ARHGEF4: variants seen among roughly 807,000 people sequenced by gnomAD.
ARHGEF4 encodes the protein APC-stimulated guanine nucleotide exchange factor 1.
ARHGEF4 carries 119 observed loss-of-function variants against 162.0 expected under a neutral mutation model. The observed-to-expected ratio is 0.73, with a 90% CI of 0.63 to 0.86. The LOEUF (loss-of-function observed/expected upper bound fraction) is 0.86, where lower values mean the gene tolerates loss of function less well. Ranked by LOEUF, ARHGEF4 falls within the 40% of genes least tolerant of loss-of-function variation. ARHGEF4 has a pLI of 0.00. For missense variants in ARHGEF4, 2,488 were observed against 2,456.0 expected (o/e 1.01, Z -0.28); for synonymous variants, 1,014 against 979.9 (o/e 1.03, Z -0.65).
At chr2:130,864,205 A>AAAG (rs1559006283) in intron 1 of ARHGEF4, among the ~76,000 whole-genome samples, 16 of 150,896 alleles carry the variant, frequency 1.1e-4, no homozygotes, top group East Asian at 3.9e-4. Flanking sequence ...AAGAAAGAAA[A>AAAG]AAAAAAAAAG....
intron 1 of ARHGEF4, among the ~76,000 whole-genome samples, chr2:130,868,002 T>C (rs1367195656): frequency 1.4e-5 from 2 of 146,236 alleles, no homozygotes; most frequent in Non-Finnish European, 3.0e-5. Context: ...CTCGGCTCAC[T>C]GCAAGCTCCG....
chr2:131,045,161 G>A (rs1208103337), intron 12 of ARHGEF4, among the ~76,000 whole-genome samples: 1 of 152,208 alleles, frequency 6.6e-6, no homozygotes, highest in Non-Finnish European at 1.5e-5. Context: ...TCTGCCAGGA[G>A]CCCCAGGACA....
intron 4 of ARHGEF4, among the ~76,000 whole-genome samples, chr2:130,993,080 C>A (rs1163437468): frequency 6.6e-6 from 1 of 152,128 alleles, no homozygotes; most frequent in Non-Finnish European, 1.5e-5. Context: ...CAAGACTGTT[C>A]AAAAACAAAA....
intron 4 of ARHGEF4, among the ~76,000 whole-genome samples, chr2:131,015,928 G>A (rs1182376625): frequency 6.6e-6 from 1 of 152,230 alleles, no homozygotes; most frequent in African/African-American, 2.4e-5. Context: ...ACCCGGACAC[G>A]TATCCCAGTC....
At chr2:130,993,263 T>C (rs1687164663) in intron 4 of ARHGEF4, among the ~76,000 whole-genome samples, 1 of 152,234 alleles carries the variant, frequency 6.6e-6, no homozygotes, top group Non-Finnish European at 1.5e-5. Flanking sequence ...CCATGAGTTA[T>C]TGAGAAGTGT....
rs4850267 is a variant in ARHGEF4, at chr2:130,895,220, C to T, written c.40-18766C>T. On this transcript the variant is annotated intron_variant, in intron 1 of 13. Transcript: ENST00000409359. Reference sequence around the variant, plus strand: ...TTGGTGTGTGGCTGCTTTCACGTAGCACCATGCCTTGAGACCTCACCATGC... The same window carrying T: ...TTGGTGTGTGGCTGCTTTCACGTAGTACCATGCCTTGAGACCTCACCATGC... Among the ~76,000 whole-genome samples the T allele has an allele frequency of 5.0e-3, 763 of 152,260 alleles. 32 individuals are homozygous for T. Among genetic ancestry groups the T allele is most frequent in the Admixed American group, 0.046 (697 of 15,288 alleles).
chr2:130,887,971 G>A (rs949001026), intron 1 of ARHGEF4, among the ~76,000 whole-genome samples: 1 of 152,096 alleles, frequency 6.6e-6, no homozygotes, highest in Admixed American at 6.5e-5. Flanking sequence ...CATGCTGTGT[G>A]CCTGGAAATG....
At chr2:131,040,808 G>A (rs145745860) in intron 8 of ARHGEF4, among the ~76,000 whole-genome samples, 1 of 152,308 alleles carries the variant, frequency 6.6e-6, no homozygotes, top group Non-Finnish European at 1.5e-5. Context: ...GATGCCGGCT[G>A]GCATTTACCA....
At chr2:130,854,550 G>A (rs1681626555) in intron 1 of ARHGEF4, among the ~76,000 whole-genome samples, 1 of 152,178 alleles carries the variant, frequency 6.6e-6, no homozygotes, top group South Asian at 2.1e-4. Context: ...TCTGGCAAGT[G>A]CTGCTGAGAA....
chr2:130,848,705 G>T (rs977457101), intron 1 of ARHGEF4, among the ~76,000 whole-genome samples: 1 of 152,302 alleles, frequency 6.6e-6, no homozygotes, highest in Admixed American at 6.5e-5. Context: ...GCATGTTTTA[G>T]TGAGGGTTCC....
chr2:130,837,021 C>A (rs942235675), intron 1 of ARHGEF4, 29 bp downstream of exon 1: 8 of 1,226,702 alleles, frequency 6.5e-6, no homozygotes, highest in Non-Finnish European at 5.1e-6. Flanking sequence ...GACTTGCGGT[C>A]GGGCTCCCGG....
intron 4 of ARHGEF4, among the ~76,000 whole-genome samples, chr2:130,979,744 A>AAC (rs1449475892): frequency 1.3e-5 from 2 of 150,116 alleles, no homozygotes; most frequent in Non-Finnish European, 3.0e-5. Context: ...TAAAAAAAAA[A>AAC]AAAAAAAAAA....
At chr2:130,841,446 T>A (rs1680608076) in intron 1 of ARHGEF4, among the ~76,000 whole-genome samples, 1 of 151,698 alleles carries the variant, frequency 6.6e-6, no homozygotes, top group Admixed American at 6.6e-5. Context: ...TACCTGTTGA[T>A]TTCAGTCCTA....
chr2:130,926,048 C>CTCTTTCTTTCTTTCTT (rs370694048), intron 2 of ARHGEF4, among the ~76,000 whole-genome samples: 63 of 53,446 alleles, frequency 1.2e-3, no homozygotes, highest in East Asian at 4.0e-3. Context: ...TTCTTTCTTT[C>CTCTTTCTTTCTTTCTT]TCTTTCTTTC....
rs748296379 is a variant in ARHGEF4, at chr2:130,916,622, C to G, written c.2676C>G (p.Ser892Arg). The G allele has an allele frequency of 1.2e-5, 18 of 1,550,480 alleles. No homozygotes were observed. The highest frequency in any genetic ancestry group is 3.9e-5 in the Admixed American group (2 of 50,994). ...DLGSRGPSSE[S>R]CNAKRLKTTE... ...GTAGCCGAGGGCCTTCCTCTGAGAG[C>G]TGCAACGCAAAGAGACTCAAAACAA... The change falls in exon 2 of 14, where the codon AGC becomes AGG. Residue 892 changes from serine to arginine, a missense_variant. By Grantham distance (110) the Ser-to-Arg change is moderately radical. Around this residue, in one of 6 missense-constraint regions of ARHGEF4, gnomAD observed 1,642 missense variants for 1,481.5 expected, o/e 1.11. Coordinates refer to ENST00000409359, the MANE Select transcript of ARHGEF4 (RefSeq NM_001367493.1).
chr2:131,017,242 TC>T (rs1181189592), intron 4 of ARHGEF4, among the ~76,000 whole-genome samples: 2 of 152,156 alleles, frequency 1.3e-5, no homozygotes, highest in Non-Finnish European at 2.9e-5. Flanking sequence ...TTGAGCCCAG[TC>T]TAAGCAGACA....
Position 130,915,900 on chromosome 2 carries a change from C to T in ARHGEF4, c.1954C>T (p.Pro652Ser), listed in dbSNP as rs773940831. ...QASRSNAGPV[P>S]ETLPRDFPKE... ...CAGCAGGAGCAATGCGGGGCCTGTT[C>T]CAGAAACACTGCCCCGTGACTTTCC... Residue 652 changes from proline to serine, a missense_variant, in exon 2 of 14, where the codon CCA (proline) becomes TCA (serine). By Grantham distance (74) the Pro-to-Ser change is moderately conservative (BLOSUM62 -1). Around this residue, in one of 6 missense-constraint regions of ARHGEF4, gnomAD observed 1,642 missense variants for 1,481.5 expected, o/e 1.11. Coordinates refer to ENST00000409359, the MANE Select transcript of ARHGEF4 (RefSeq NM_001367493.1). The T allele has an allele frequency of 2.6e-6, 4 of 1,550,306 alleles. No homozygotes were observed. In the South Asian group the frequency reaches 3.6e-5, roughly 14 times the overall value.
At chr2:130,990,613 G>A (rs1469720123) in intron 4 of ARHGEF4, among the ~76,000 whole-genome samples, 1 of 151,922 alleles carries the variant, frequency 6.6e-6, no homozygotes, top group Non-Finnish European at 1.5e-5. Context: ...CAAAGTGGGA[G>A]GCCCTGAAGA....
At chr2:130,980,645 G>A (rs1310630130) in intron 4 of ARHGEF4, among the ~76,000 whole-genome samples, 3 of 152,128 alleles carry the variant, frequency 2.0e-5, no homozygotes, top group Non-Finnish European at 2.9e-5. Context: ...CAGTACTGAC[G>A]ACTGGTTAGG....
Sources: gnomAD v4.1 joint callset for allele counts (sites outside exome capture counted in the v4.1 genomes callset) on GRCh38, gnomAD v4.1.1 for gene constraint, gnomAD v4.1.1 regional missense constraint, MANE v1.5 for transcripts, NCBI Gene and HGNC (gene_info 2026-07-23, HGNC 2026-07-21) for gene names.